AKAP9: variants seen among roughly 807,000 people sequenced by gnomAD.
AKAP9 encodes the protein A-kinase anchor protein 9.
AKAP9 carries 311 observed loss-of-function variants against 488.5 expected under a neutral mutation model. That is an observed-to-expected ratio of 0.64 (90% CI 0.58 to 0.70). The LOEUF is 0.70. Ranked by LOEUF, AKAP9 falls within the 30% of genes least tolerant of loss-of-function variation. AKAP9 has a pLI of 0.00. For missense variants in AKAP9, 4,215 were observed against 4,374.5 expected, an observed-to-expected ratio of 0.96 and a Z score of 1.03; for synonymous variants, 1,462 against 1,483.5, an observed-to-expected ratio of 0.99 and a Z score of 0.33.
intron 46 of AKAP9, among the ~76,000 whole-genome samples, chr7:92,103,475 C>T (rs188590502): frequency 1.3e-5 from 2 of 148,878 alleles, no homozygotes; most frequent in Non-Finnish European, 1.5e-5. Flanking sequence ...GCCGGCAGAT[C>T]GTGAGGTCAG....
intron 7 of AKAP9, 99 bp downstream of exon 7, chr7:91,995,899 A>C (rs1798345740): frequency 2.5e-6 from 2 of 813,716 alleles, no homozygotes; most frequent in Non-Finnish European, 3.9e-6. Context: ...TGAATCACAA[A>C]ATTTCATAAT....
Position 92,002,652 on chromosome 7 carries a change from T to A in AKAP9, c.2735T>A (p.Met912Lys), listed in dbSNP as rs1279368877. The A allele has an allele frequency of 6.2e-7, 1 of 1,613,114 alleles. No homozygotes were observed. The highest frequency in any genetic ancestry group is 8.5e-7 in the Non-Finnish European group (1 of 1,179,610). The change falls in exon 8 of 50, where the codon ATG (methionine) becomes AAG (lysine). Residue 912 changes from methionine (M) to lysine (K), a missense_variant. By Grantham distance (95) the Met-to-Lys change is moderately conservative (BLOSUM62 -1). This residue lies in a region of AKAP9 where 2,361 missense variants were observed against 2,430.0 expected (regional missense o/e 0.97). Transcript: ENST00000356239. ...LQRINPTTVK[M>K]KSSVFDEDKT... is the part of the protein sequence containing the mutation. ...AGAATAAATCCAACTACAGTGAAAA[T>A]GAAAAGTTCTGTCTTTGATGAAGAC... is the stretch of plus-strand genomic sequence containing the variant.
At chr7:92,035,318 A>G (rs1007292491) in intron 16 of AKAP9, among the ~76,000 whole-genome samples, 17 of 152,234 alleles carry the variant, frequency 1.1e-4, no homozygotes, top group Non-Finnish European at 1.6e-4. Context: ...TGGTCTGGCA[A>G]AATACCTCAT....
At chr7:92,030,055 GT>G in intron 15 of AKAP9, 64 bp downstream of exon 15, 1 of 1,144,114 alleles carries the variant, frequency 8.7e-7, no homozygotes, top group South Asian at 1.3e-5. Context: ...TCATTTTTAT[GT>G]CTGGTTTACT....
In AKAP9 at chr7:92,014,260, A is replaced by G. The variant is rs1801192661; in HGVS notation, c.3544A>G (p.Lys1182Glu). The G allele has an allele frequency of 6.2e-7, 1 of 1,610,798 alleles. No individual in the cohort carries two copies. The highest frequency in any genetic ancestry group is 1.3e-5 in the African/African-American group (1 of 74,844). The change falls in exon 10 of 50, where the codon AAG becomes GAG. Residue 1182 changes from lysine (K) to glutamate (E), a missense_variant. Around this residue, in one of 5 missense-constraint regions of AKAP9, gnomAD observed 2,361 missense variants for 2,430.0 expected, o/e 0.97. Transcript: ENST00000356239. Reference sequence around the variant, plus strand: ...ATCTGTTCTATTAGGTGATGAAGGAAAGCCTTTACATCTGCTCATTGGAAA... The same window carrying G: ...ATCTGTTCTATTAGGTGATGAAGGAGAGCCTTTACATCTGCTCATTGGAAA... ...MKTQETGDEG[K>E]PLHLLIGKLQ... is the part of the protein sequence containing the mutation.
chr7:92,077,779 T>C lies in AKAP9; in HGVS notation c.6849T>C (p.Phe2283=). Residue 2283 remains phenylalanine, a synonymous_variant, in exon 30 of 50, where the codon TTT becomes TTC. Transcript: ENST00000356239. ...ACCAACATGTGCTATTTGGGAAATT[T>C]GCTCAAATAATACAGGAAAAAGAGG... ...TQDQHVLFGK[F]AQIIQEKEVE... 1 of 1,613,894 alleles carries C rather than the reference T, an allele frequency of 6.2e-7. No individual in the cohort carries two copies. Among genetic ancestry groups the C allele is most frequent in the South Asian group, 1.1e-5 (1 of 91,084 alleles).
chr7:92,002,787 A>G lies in AKAP9; in HGVS notation c.2870A>G (p.Gln957Arg), dbSNP rs774287891. 6.2e-7 allele frequency: 1 copy of G among 1,613,726 alleles called. No homozygotes were observed. Among genetic ancestry groups the G allele is most frequent in the Non-Finnish European group, 8.5e-7 (1 of 1,179,720 alleles). ...AAGCGAGAGAAATTAGAGCTGTCAC[A>G]GAGACTGTCTGATCTTTCTGAACAA... ...VTKREKLELS[Q>R]RLSDLSEQLK... The change falls in exon 8 of 50, where the codon CAG becomes CGG. Residue 957 changes from glutamine (Q) to arginine (R), a missense_variant. Transcript: ENST00000356239.
intron 12 of AKAP9, among the ~76,000 whole-genome samples, chr7:92,020,035 A>G (rs1165576778): frequency 1.3e-5 from 2 of 152,112 alleles, no homozygotes; most frequent in Non-Finnish European, 2.9e-5. Context: ...TAGAAAAGAA[A>G]TGTAGATAAA....
Position 92,012,549 on chromosome 7 carries a change from A to C in AKAP9, c.3439A>C (p.Lys1147Gln). 6.2e-7 allele frequency: 1 copy of C among 1,613,842 alleles called. No individual in the cohort carries two copies. The highest frequency in any genetic ancestry group is 8.5e-7 in the Non-Finnish European group (1 of 1,179,796). The change falls in exon 9 of 50, where the codon AAA (lysine) becomes CAA (glutamine). Residue 1147 changes from lysine to glutamine, a missense_variant. Physicochemically the swap from Lys to Gln is moderately conservative, Grantham distance 53. Coordinates refer to ENST00000356239, the MANE Select transcript of AKAP9 (RefSeq NM_005751.5). Reference protein sequence around the residue: ...NEKDKALCSLKEELIFAQEEK... With the variant: ...NEKDKALCSLQEELIFAQEEK... Reference sequence around the variant, plus strand: ...AAAAGATAAAGCTCTTTGCAGTCTTAAAGAAGAGCTTATTTTTGCTCAAGA... The same window carrying C: ...AAAAGATAAAGCTCTTTGCAGTCTTCAAGAAGAGCTTATTTTTGCTCAAGA...
intron 7 of AKAP9, among the ~76,000 whole-genome samples, chr7:92,000,469 A>AT (rs1242478083): frequency 3.9e-5 from 6 of 152,208 alleles, no homozygotes; most frequent in Non-Finnish European, 8.8e-5. Context: ...TGTCTAGAGT[A>AT]TATGCAGTAC....
Position 92,016,186 on chromosome 7 carries a change from G to A in AKAP9, c.3670G>A (p.Ala1224Thr). 1 of 1,596,000 alleles carries A rather than the reference G, an allele frequency of 6.3e-7. No individual in the cohort carries two copies. The highest frequency in any genetic ancestry group is 8.6e-7 in the Non-Finnish European group (1 of 1,164,398). ...TCCTGCTTTAAAATGTGAAGTAAAT[G>A]CAGAAGACAAAGAGAATTCTGGTGA... ...YTPALKCEVN[A>T]EDKENSGDYI... The change falls in exon 11 of 50, where the codon GCA becomes ACA. Residue 1224 changes from alanine to threonine, a missense_variant. Physicochemically the swap from Ala to Thr is moderately conservative, Grantham distance 58. Coordinates refer to ENST00000356239, the MANE Select transcript of AKAP9 (RefSeq NM_005751.5).
chr7:92,093,404 A>G, intron 39 of AKAP9, 88 bp downstream of exon 39: 1 of 1,125,982 alleles, frequency 8.9e-7, no homozygotes. Context: ...GAAATGTAAC[A>G]TGCATGATAT....
chr7:92,086,022 G>A (rs1217509293), intron 36 of AKAP9, among the ~76,000 whole-genome samples: 2 of 152,094 alleles, frequency 1.3e-5, no homozygotes, highest in African/African-American at 2.4e-5. Context: ...CCTGGGAGGT[G>A]GAGGTTGCAG....
At chr7:91,995,910 T>A in intron 7 of AKAP9, 110 bp downstream of exon 7, 1 of 770,338 alleles carries the variant, frequency 1.3e-6, no homozygotes, top group Non-Finnish European at 2.1e-6. Context: ...ATTTCATAAT[T>A]AAGCTCTTTG....
At chr7:92,043,021 C>G (rs1282465041) in intron 20 of AKAP9, 2 of 307,242 alleles carry the variant, frequency 6.5e-6, no homozygotes, top group African/African-American at 4.3e-5. Context: ...ACATACTTAA[C>G]TGTTAATCAC....
intron 7 of AKAP9, among the ~76,000 whole-genome samples, chr7:91,998,233 A>T (rs1190061470): frequency 6.6e-6 from 1 of 151,670 alleles, no homozygotes; most frequent in Non-Finnish European, 1.5e-5. Context: ...CATCTCTAAC[A>T]GGCCCCAACC....
intron 1 of AKAP9, among the ~76,000 whole-genome samples, chr7:91,942,772 T>G (rs905040580): frequency 3.9e-5 from 6 of 152,242 alleles, no homozygotes; most frequent in Non-Finnish European, 7.3e-5. Context: ...TGTGTGTTTC[T>G]TTATCTTTCA....
At chr7:92,053,101 C>G in intron 22 of AKAP9, 143 bp downstream of exon 22, 1 of 697,506 alleles carries the variant, frequency 1.4e-6, no homozygotes, top group South Asian at 1.6e-5. Context: ...TTAATTATCC[C>G]TTTGGTTGTA....
intron 1 of AKAP9, among the ~76,000 whole-genome samples, chr7:91,944,592 G>T (rs550069220): frequency 9.9e-5 from 15 of 152,174 alleles, no homozygotes; most frequent in African/African-American, 3.6e-4. Flanking sequence ...TCACCATGTT[G>T]GCCAGGCTGG....
Sources: gnomAD v4.1 joint callset for allele counts (sites outside exome capture counted in the v4.1 genomes callset) on GRCh38, gnomAD v4.1.1 for gene constraint, gnomAD v4.1.1 regional missense constraint, MANE v1.5 for transcripts, NCBI Gene and HGNC (gene_info 2026-07-23, HGNC 2026-07-21) for gene names.